SLC36A1: variants seen among roughly 807,000 people sequenced by gnomAD.
SLC36A1 encodes the protein proton-coupled amino acid transporter 1.
In SLC36A1, 30 loss-of-function variants were observed where a neutral mutation model predicts 47.5. The observed-to-expected ratio is 0.63, with a 90% CI of 0.47 to 0.86. The LOEUF is 0.86. Among genes scored for constraint, SLC36A1 ranks in the 40% least tolerant of loss-of-function variants. The pLI is 0.00. For synonymous variants in SLC36A1, 255 were observed against 249.7 expected (o/e 1.02, Z -0.20); for missense variants, 517 against 606.0 (o/e 0.85, Z 1.54).
At chr5:151,444,644 C>G (rs1752818938), upstream of SLC36A1, among the ~76,000 whole-genome samples, 1 of 152,140 alleles carries the variant, frequency 6.6e-6, no homozygotes, top group African/African-American at 2.4e-5. Context: ...CACCACCATG[C>G]TGGGCTGACT....
the SLC36A1 span, among the ~76,000 whole-genome samples, chr5:151,430,486 C>A: frequency 1.3e-5 from 2 of 151,966 alleles, no homozygotes; most frequent in Admixed American, 6.6e-5. Flanking sequence ...CCATGCCTGG[C>A]TAAATTTTTT....
Position 151,467,731 on chromosome 5 carries a change from A to G in SLC36A1, c.529A>G (p.Thr177Ala). ...GGTGATAGAAGCGGCCAATGGGACC[A>G]CCAATAACTGCCACAACAATGAGAC... ...KQVIEAANGT[T>A]NNCHNNETVI... Residue 177 changes from threonine (T) to alanine (A), a missense_variant, in exon 7 of 11, where the codon ACC (threonine) becomes GCC (alanine). Coordinates refer to ENST00000243389, the MANE Select transcript of SLC36A1 (RefSeq NM_078483.4). The G allele has an allele frequency of 6.2e-7, 1 of 1,614,044 alleles. No homozygotes were observed. Among genetic ancestry groups the G allele is most frequent in the Non-Finnish European group, 8.5e-7 (1 of 1,179,982 alleles).
chr5:151,518,204 C>A, the SLC36A1 span, among the ~76,000 whole-genome samples: 1 of 151,904 alleles, frequency 6.6e-6, no homozygotes, highest in Non-Finnish European at 1.5e-5. Flanking sequence ...AGGCATGGTG[C>A]CTCATGCCTG....
the SLC36A1 span, among the ~76,000 whole-genome samples, chr5:151,422,388 C>T: frequency 6.6e-6 from 1 of 152,146 alleles, no homozygotes; most frequent in Admixed American, 6.5e-5. Flanking sequence ...CCTCTTCAAA[C>T]TCAAAGATAA....
At chr5:151,538,392 A>G in the SLC36A1 span, among the ~76,000 whole-genome samples, 12 of 152,166 alleles carry the variant, frequency 7.9e-5, no homozygotes, top group Non-Finnish European at 1.8e-4. Context: ...TGGCGAGGCC[A>G]TGCTATTAAG....
the SLC36A1 span, chr5:151,551,524 C>A: frequency 6.8e-6 from 11 of 1,614,218 alleles, no homozygotes; most frequent in South Asian, 6.6e-5. Flanking sequence ...TATAGTTCGA[C>A]CTTCTCCTGG....
downstream of SLC36A1, among the ~76,000 whole-genome samples, chr5:151,495,053 TA>T (rs1760299846): frequency 6.6e-6 from 1 of 152,262 alleles, no homozygotes. Flanking sequence ...AAATGTGTGC[TA>T]ACTTTTGGCA....
At chr5:151,351,310 C>T in the SLC36A1 span, among the ~76,000 whole-genome samples, 2 of 151,730 alleles carry the variant, frequency 1.3e-5, no homozygotes, top group African/African-American at 2.4e-5. Flanking sequence ...TTTTGATTCC[C>T]AAGCTCTGTT....
the SLC36A1 span, among the ~76,000 whole-genome samples, chr5:151,536,230 A>C: frequency 5.4e-5 from 8 of 149,268 alleles, no homozygotes; most frequent in Non-Finnish European, 1.0e-4. Context: ...AGAAAAAAAA[A>C]CGCCATTTTT....
At chr5:151,504,458 G>A in the SLC36A1 span, 1 of 152,560 alleles carries the variant, frequency 6.6e-6, no homozygotes, top group East Asian at 1.9e-4. Context: ...GTGTAGACAT[G>A]TGCCCACATT....
the SLC36A1 span, chr5:151,507,102 C>T: frequency 3.4e-6 from 5 of 1,477,834 alleles, no homozygotes; most frequent in Admixed American, 2.2e-5. Context: ...TGTTTAGAAC[C>T]ACCACCCACT....
At chr5:151,507,440 C>T in the SLC36A1 span, 1 of 1,614,168 alleles carries the variant, frequency 6.2e-7, no homozygotes, top group Non-Finnish European at 8.5e-7. Flanking sequence ...TGGCCACAGG[C>T]TTGTGAGACT....
the SLC36A1 span, among the ~76,000 whole-genome samples, chr5:151,379,275 T>A: frequency 6.6e-6 from 1 of 152,258 alleles, no homozygotes; most frequent in Non-Finnish European, 1.5e-5. Flanking sequence ...TACCATTTTA[T>A]GAGCCAAGTA....
At chr5:151,375,049 G>T in the SLC36A1 span, among the ~76,000 whole-genome samples, 1 of 152,046 alleles carries the variant, frequency 6.6e-6, no homozygotes, top group Non-Finnish European at 1.5e-5. Context: ...CTGTGCAGCA[G>T]CTTTTTAGCT....
the SLC36A1 span, among the ~76,000 whole-genome samples, chr5:151,401,964 T>C: frequency 2.0e-5 from 3 of 152,230 alleles, no homozygotes; most frequent in African/African-American, 7.2e-5. Context: ...TATTTTCCTA[T>C]TTGGATGCCT....
chr5:151,468,266 A>AATATATAT (rs1554113501), intron 7 of SLC36A1, among the ~76,000 whole-genome samples: 15 of 63,814 alleles, frequency 2.4e-4, no homozygotes, highest in African/African-American at 1.1e-3. Context: ...AAAAAAAAAA[A>AATATATAT]ATATATATAT....
the SLC36A1 span, among the ~76,000 whole-genome samples, chr5:151,359,748 A>T: frequency 6.6e-6 from 1 of 152,142 alleles, no homozygotes; most frequent in East Asian, 1.9e-4. Context: ...TTCACACAAC[A>T]TGTGGTTGTT....
chr5:151,347,847 A>G, the SLC36A1 span, among the ~76,000 whole-genome samples: 1 of 152,208 alleles, frequency 6.6e-6, no homozygotes, highest in Non-Finnish European at 1.5e-5. Flanking sequence ...ATTTAACCCT[A>G]TCAATTAAGT....
At chr5:151,505,422 G>A in the SLC36A1 span, 3 of 968,620 alleles carry the variant, frequency 3.1e-6, no homozygotes, top group South Asian at 1.6e-5. Context: ...GATTGGAAGA[G>A]CACATTTCAA....
Sources: gnomAD v4.1 joint callset for allele counts (sites outside exome capture counted in the v4.1 genomes callset) on GRCh38, gnomAD v4.1.1 for gene constraint, MANE v1.5 for transcripts, NCBI Gene and HGNC (gene_info 2026-07-23, HGNC 2026-07-21) for gene names.